Variants in RIMS2 observed in about 807,000 individuals in gnomAD.
RIMS2 encodes regulating synaptic membrane exocytosis protein 2.
RIMS2 carries 59 observed loss-of-function variants against 174.4 expected under a neutral mutation model. That is an observed-to-expected ratio of 0.34 (90% CI 0.27 to 0.42). RIMS2 has a LOEUF of 0.42. RIMS2 is among the 10% of genes least tolerant of loss of function. RIMS2 has a pLI of 1.00. For missense variants in RIMS2, 1,620 were observed against 1,666.3 expected, an observed-to-expected ratio of 0.97 and a Z score of 0.48; for synonymous variants, 606 against 572.5, an observed-to-expected ratio of 1.06 and a Z score of -0.84.
exon 2 of RIMS2, chr8:103,697,119 G>A (rs763690082): frequency 5.0e-6 from 8 of 1,613,354 alleles, no homozygotes; most frequent in African/African-American, 2.7e-5. Flanking sequence ...TGTATAAAGA[G>A]CAGGTAAAGA....
chr8:104,148,358 A>C (rs764423301), intron 19 of RIMS2, among the ~76,000 whole-genome samples: 1 of 152,094 alleles, frequency 6.6e-6, no homozygotes, highest in Non-Finnish European at 1.5e-5. Context: ...TCCTGTGATC[A>C]TGCAAATTTG....
At position 103,822,592 on chromosome 8, in the gene RIMS2, T is replaced by C. The variant is rs961919532; in HGVS notation, c.698+56055T>C. On this transcript the variant is annotated intron_variant, in intron 3 of 23. Transcript: ENST00000504942. ...ACCTTATTTTCATACTGAAAGTGTT[T>C]AGCTTATTCTCTTATTGTATGGTTC... Among the ~76,000 whole-genome samples the C allele has an allele frequency of 5.3e-5, 8 of 151,892 alleles. 1 individual carries two copies. Among genetic ancestry groups the C allele is most frequent in the Middle Eastern group, 3.2e-3 (1 of 316 alleles).
At chr8:103,843,940 G>A (rs1425996722) in intron 3 of RIMS2, among the ~76,000 whole-genome samples, 1 of 152,154 alleles carries the variant, frequency 6.6e-6, no homozygotes, top group Non-Finnish European at 1.5e-5. Context: ...CCCAGTAGGA[G>A]GTAATTGAAT....
chr8:104,157,226 A>C (rs1040479084), intron 19 of RIMS2, among the ~76,000 whole-genome samples: 2 of 152,218 alleles, frequency 1.3e-5, no homozygotes, highest in Non-Finnish European at 2.9e-5. Context: ...TGTTAACATT[A>C]TCATAAATTG....
chr8:103,647,388 GTGT>G (rs1008728413), intron 1 of RIMS2, among the ~76,000 whole-genome samples: 10 of 150,858 alleles, frequency 6.6e-5, no homozygotes, highest in Admixed American at 4.6e-4. Flanking sequence ...GAGGTTTTTT[GTGT>G]TGTTGTATCT....
chr8:103,547,799 T>C (rs1303988255), intron 1 of RIMS2, among the ~76,000 whole-genome samples: 1 of 151,972 alleles, frequency 6.6e-6, no homozygotes, highest in Non-Finnish European at 1.5e-5. Flanking sequence ...AACATCCAAA[T>C]AAACACAATA....
chr8:103,518,469 GGA>G (rs1830074873), intron 1 of RIMS2, among the ~76,000 whole-genome samples: 1 of 151,902 alleles, frequency 6.6e-6, no homozygotes, highest in Non-Finnish European at 1.5e-5. Flanking sequence ...TCTGCGGGTT[GGA>G]CAAGCTTGCT....
At chr8:104,094,870 G>A (rs940829584) in intron 19 of RIMS2, 31 of 547,854 alleles carry the variant, frequency 5.7e-5, no homozygotes, top group Admixed American at 6.8e-5. Context: ...TTAATATGTT[G>A]GCAAACTATT....
At chr8:103,797,903 A>G (rs565719664) in intron 3 of RIMS2, among the ~76,000 whole-genome samples, 1 of 152,268 alleles carries the variant, frequency 6.6e-6, no homozygotes, top group East Asian at 1.9e-4. Context: ...ATAATTATTA[A>G]GAGCACCCTT....
intron 2 of RIMS2, among the ~76,000 whole-genome samples, chr8:103,702,884 A>T: frequency 6.9e-6 from 1 of 144,154 alleles, no homozygotes. Context: ...ATTTTGGCTA[A>T]GAATTGCTTT....
intron 3 of RIMS2, among the ~76,000 whole-genome samples, chr8:103,859,937 T>G (rs2099049723): frequency 6.6e-6 from 1 of 152,038 alleles, no homozygotes; most frequent in South Asian, 2.1e-4. Flanking sequence ...ACTCTATCAC[T>G]TGGCCCCTCC....
At chr8:103,662,548 A>G (rs2136123518) in intron 1 of RIMS2, among the ~76,000 whole-genome samples, 2 of 152,322 alleles carry the variant, frequency 1.3e-5, no homozygotes, top group African/African-American at 4.8e-5. Context: ...GAATATTTAC[A>G]ATGAACTCAA....
chr8:104,223,563 A>G (rs2099166617), intron 19 of RIMS2: 1 of 1,447,854 alleles, frequency 6.9e-7, no homozygotes, highest in African/African-American at 1.4e-5. Flanking sequence ...CTTCTGGCCC[A>G]CTGGTCCCGG....
chr8:103,740,566 G>C (rs1273066967), intron 2 of RIMS2, among the ~76,000 whole-genome samples: 1 of 152,170 alleles, frequency 6.6e-6, no homozygotes, highest in Non-Finnish European at 1.5e-5. Context: ...CAGTAGCTGA[G>C]ATGGCAGTTC....
At position 103,912,120 on chromosome 8, in the gene RIMS2, G is replaced by A. The variant is rs375138135; in HGVS notation, c.1760G>A (p.Arg587His). Residue 587 changes from arginine (R) to histidine (H), a missense_variant, in exon 6 of 24, where the codon CGT (arginine) becomes CAT (histidine). Physicochemically the swap from Arg to His is conservative, Grantham distance 29 (BLOSUM62 0). Transcript: ENST00000504942. ...ATTGGTCGCATTTTATTAAATAAGC[G>A]TCTAAAAGATGGAAGTGTACCTCGA... 62 of 1,607,168 alleles carry A rather than the reference G, an allele frequency of 3.9e-5. No individual in the cohort carries two copies. The highest frequency in any genetic ancestry group is 1.3e-4 in the African/African-American group (10 of 74,890).
intron 3 of RIMS2, among the ~76,000 whole-genome samples, chr8:103,829,948 G>A (rs1167657557): frequency 6.6e-6 from 1 of 151,910 alleles, no homozygotes; most frequent in Non-Finnish European, 1.5e-5. Context: ...GGATTGATGA[G>A]GTTTTATGTT....
chr8:103,946,180 T>C (rs2083719870), intron 14 of RIMS2, among the ~76,000 whole-genome samples: 1 of 152,186 alleles, frequency 6.6e-6, no homozygotes, highest in South Asian at 2.1e-4. Flanking sequence ...TTCATTAACA[T>C]TTTAATACTG....
chr8:103,683,988 T>C (rs762490693), intron 1 of RIMS2, among the ~76,000 whole-genome samples: 14 of 152,212 alleles, frequency 9.2e-5, no homozygotes, highest in Non-Finnish European at 1.6e-4. Flanking sequence ...ACAAAGTAGA[T>C]ATAAGGACTC....
intron 3 of RIMS2, among the ~76,000 whole-genome samples, chr8:103,834,845 G>A (rs1193877827): frequency 6.6e-6 from 1 of 151,422 alleles, no homozygotes; most frequent in African/African-American, 2.4e-5. Flanking sequence ...CGCTGTCTCG[G>A]CTTACTGCCA....
Sources: allele counts gnomAD v4.1 joint callset (sites outside exome capture counted in the v4.1 genomes callset), GRCh38; gene constraint gnomAD v4.1.1; transcripts MANE v1.5; gene names NCBI Gene and HGNC (gene_info 2026-07-23, HGNC 2026-07-21).